Variants in FSD1L observed in about 807,000 individuals in gnomAD.
The protein encoded by FSD1L is fibronectin type III and SPRY domain containing 1 like.
Under a neutral mutation model 71.6 loss-of-function variants are expected in FSD1L, and 45 were observed. The observed-to-expected ratio is 0.63, with a 90% CI of 0.49 to 0.81. The LOEUF (loss-of-function observed/expected upper bound fraction) is 0.81. FSD1L is among the 30% of genes least tolerant of loss of function. The pLI is 0.00. For missense variants in FSD1L, 561 were observed against 618.1 expected (o/e 0.91, Z 0.98); for synonymous variants, 197 against 207.2 (o/e 0.95, Z 0.42).
intron 10 of FSD1L, chr9:105,524,814 C>G: frequency 6.3e-7 from 1 of 1,587,992 alleles, no homozygotes; most frequent in Non-Finnish European, 8.6e-7. Flanking sequence ...GGGCCATTAT[C>G]CAATGAGCGG....
intron 12 of FSD1L, among the ~76,000 whole-genome samples, chr9:105,536,479 C>T (rs1250564688): frequency 6.6e-6 from 1 of 152,128 alleles, no homozygotes; most frequent in African/African-American, 2.4e-5. Context: ...CAGCAAAGGA[C>T]AGTAATTTGG....
intron 7 of FSD1L, among the ~76,000 whole-genome samples, chr9:105,490,351 T>G (rs1044666424): frequency 6.6e-5 from 10 of 152,248 alleles, no homozygotes; most frequent in South Asian, 6.2e-4. Flanking sequence ...TTGATGGAGT[T>G]GTTTGTTTTT....
At chr9:105,493,634 G>C (rs774320680) in intron 7 of FSD1L, among the ~76,000 whole-genome samples, 16 of 152,194 alleles carry the variant, frequency 1.1e-4, no homozygotes, top group Non-Finnish European at 1.8e-4. Flanking sequence ...TGCAGTGGCT[G>C]GTACTGGTTT....
chr9:105,506,765 A>AGGAAACCC (rs1834074990), intron 8 of FSD1L, among the ~76,000 whole-genome samples, 157 bp downstream of exon 8: 1 of 151,936 alleles, frequency 6.6e-6, no homozygotes, highest in African/African-American at 2.4e-5. Context: ...TGAAACATCA[A>AGGAAACCC]GGAAACCCTT....
intron 4 of FSD1L, among the ~76,000 whole-genome samples, chr9:105,470,471 G>T (rs1692138802): frequency 6.6e-6 from 1 of 151,966 alleles, no homozygotes; most frequent in South Asian, 2.1e-4. Flanking sequence ...TGCTTTGTTG[G>T]TTAAATTTAT....
At chr9:105,481,576 C>T (rs1479951761) in intron 6 of FSD1L, among the ~76,000 whole-genome samples, 3 of 151,956 alleles carry the variant, frequency 2.0e-5, no homozygotes, top group Admixed American at 2.0e-4. Context: ...CAGGTGTGAG[C>T]CACTGTGCCC....
At chr9:105,506,070 A>G (rs1314041841) in intron 7 of FSD1L, among the ~76,000 whole-genome samples, 1 of 152,216 alleles carries the variant, frequency 6.6e-6, no homozygotes, top group African/African-American at 2.4e-5. Flanking sequence ...TACACTCTTG[A>G]ATTATTTCAG....
chr9:105,508,772 C>A, intron 9 of FSD1L, 57 bp downstream of exon 9: 5 of 1,049,778 alleles, frequency 4.8e-6, no homozygotes, highest in Non-Finnish European at 5.6e-6. Flanking sequence ...TGAAGTTATT[C>A]ATAACTTTGT....
At chr9:105,487,771 C>A (rs989131438) in intron 7 of FSD1L, among the ~76,000 whole-genome samples, 2 of 152,014 alleles carry the variant, frequency 1.3e-5, no homozygotes, top group African/African-American at 4.8e-5. Context: ...TCTTTTGTGA[C>A]TCTTAGATTT....
chr9:105,533,443 G>C (rs1303656159), intron 10 of FSD1L, among the ~76,000 whole-genome samples: 1 of 2,824 alleles, frequency 3.5e-4, no homozygotes, highest in Non-Finnish European at 1.1e-3. Context: ...TTTTTTTTGA[G>C]ATGGCGTCTA....
intron 10 of FSD1L, chr9:105,521,433 A>G (rs1835147738): frequency 1.9e-6 from 3 of 1,613,992 alleles, no homozygotes; most frequent in South Asian, 1.1e-5. Context: ...TCTCACAGAC[A>G]TTGAAATAGT....
upstream of FSD1L, among the ~76,000 whole-genome samples, chr9:105,444,525 G>A (rs1251855313): frequency 1.3e-5 from 2 of 152,138 alleles, no homozygotes. Context: ...CAGAATATAC[G>A]AGGTAGCCCA....
chr9:105,509,668 T>TCA (rs1834285362), intron 9 of FSD1L, among the ~76,000 whole-genome samples: 1 of 152,212 alleles, frequency 6.6e-6, no homozygotes, highest in Non-Finnish European at 1.5e-5. Flanking sequence ...ATAAGGCCTA[T>TCA]AAGTTATTGA....
intron 10 of FSD1L, among the ~76,000 whole-genome samples, chr9:105,532,049 C>T (rs545555021): frequency 6.2e-4 from 95 of 152,280 alleles, no homozygotes; most frequent in African/African-American, 2.2e-3. Flanking sequence ...GGAGGAAGCC[C>T]TAAATCTGGC....
In FSD1L at chr9:105,448,146, G is replaced by C; in HGVS notation, c.-75G>C. The C allele has an allele frequency of 6.9e-7, 1 of 1,445,418 alleles. No homozygotes were observed. Among genetic ancestry groups the C allele is most frequent in the South Asian group, 1.2e-5 (1 of 81,920 alleles). The allele number at this position is 1,445,418 out of a possible 1,614,324, so 89.5% of individuals were successfully genotyped here. A position where few individuals can be genotyped will look rare whatever the true frequency, so the allele number is the denominator to read the frequency against. ...GCAGTGCAGTGAGTAGCGGTCTTGG[G>C]GTGTGCGATCTCGCTGAGCCTCCTC... is the stretch of plus-strand genomic sequence containing the variant. On this transcript the variant is annotated 5_prime_UTR_variant, in exon 1 of 14. Coordinates refer to ENST00000481272, the MANE Select transcript of FSD1L (RefSeq NM_001145313.3).
In FSD1L at chr9:105,549,309, C is replaced by T. The variant is rs1837171777; in HGVS notation, c.*2826C>T. On this transcript the variant is annotated 3_prime_UTR_variant, in exon 14 of 14. Transcript: ENST00000481272. ...GCTGGATATCGAAATGAAGGAGCTGCCTTAAGCACTTTAGAAAAAGAATTT... is the reference window on the plus strand; with the variant it reads ...GCTGGATATCGAAATGAAGGAGCTGTCTTAAGCACTTTAGAAAAAGAATTT... The T allele has an allele frequency of 6.6e-6, 1 of 151,992 alleles. No individual in the cohort carries two copies. The allele number at this position is 151,992 out of a possible 1,614,324, so 9.4% of individuals were successfully genotyped here. A position where few individuals can be genotyped will look rare whatever the true frequency, so the allele number is the denominator to read the frequency against.
At chr9:105,510,704 T>G (rs2131372920) in intron 9 of FSD1L, among the ~76,000 whole-genome samples, 1 of 152,336 alleles carries the variant, frequency 6.6e-6, no homozygotes, top group Admixed American at 6.5e-5. Context: ...ATATAAGTTC[T>G]TATCACCAGA....
In FSD1L at chr9:105,515,057, C is replaced by T. The variant is rs141343812; in HGVS notation, c.1025+2121C>T. Among the ~76,000 whole-genome samples, 61 of 152,212 alleles carry T rather than the reference C, an allele frequency of 4.0e-4. 1 individual carries two copies. In the East Asian group the frequency reaches 9.7e-3, roughly 24 times the overall value. Reference sequence around the variant, plus strand: ...GGTGCCTAGGGTAGGATTGCAGATACGGTATATGATCATGATGGGGAGAAG... The same window carrying T: ...GGTGCCTAGGGTAGGATTGCAGATATGGTATATGATCATGATGGGGAGAAG... On this transcript the variant is annotated intron_variant, in intron 10 of 13. Coordinates refer to ENST00000481272, the MANE Select transcript of FSD1L (RefSeq NM_001145313.3).
At chr9:105,489,897 T>G (rs1449734839) in intron 7 of FSD1L, among the ~76,000 whole-genome samples, 1 of 152,252 alleles carries the variant, frequency 6.6e-6, no homozygotes, top group Non-Finnish European at 1.5e-5. Context: ...CTTAATCCAG[T>G]CTATCATTGT....
Sources: allele counts gnomAD v4.1 joint callset (sites outside exome capture counted in the v4.1 genomes callset), GRCh38; gene constraint gnomAD v4.1.1; transcripts MANE v1.5; gene names NCBI Gene and HGNC (gene_info 2026-07-23, HGNC 2026-07-21).